Variants in CA10 observed in about 807,000 individuals in gnomAD.
CA10 encodes the protein carbonic anhydrase 10 (inactive).
A neutral mutation model predicts 44.2 loss-of-function variants in CA10; 14 were observed. That is an observed-to-expected ratio of 0.32 (90% CI 0.21 to 0.50). CA10 has a LOEUF of 0.50. Among genes scored for constraint, CA10 ranks in the 20% least tolerant of loss-of-function variants. The pLI is 0.99. For synonymous variants in CA10, 159 were observed against 141.6 expected (o/e 1.12, Z -0.87); for missense variants, 350 against 409.7 (o/e 0.85, Z 1.26).
At chr17:51,989,276 G>A (rs1269480109) in intron 2 of CA10, among the ~76,000 whole-genome samples, 1 of 151,492 alleles carries the variant, frequency 6.6e-6, no homozygotes, top group Non-Finnish European at 1.5e-5. Context: ...ATTAAGCCTA[G>A]TATCCATTAG....
intron 3 of CA10, among the ~76,000 whole-genome samples, chr17:51,831,769 G>T (rs1372219201): frequency 7.3e-6 from 1 of 136,842 alleles, no homozygotes; most frequent in East Asian, 2.4e-4. Context: ...TTCACTGACT[G>T]GACAGGGTTA....
intron 3 of CA10, among the ~76,000 whole-genome samples, chr17:51,795,628 C>T (rs752225133): frequency 4.3e-4 from 65 of 152,160 alleles, no homozygotes; most frequent in Non-Finnish European, 7.4e-5. Flanking sequence ...GCCTTTGGTG[C>T]AGGTCTGTGT....
intron 1 of CA10, among the ~76,000 whole-genome samples, chr17:52,098,281 A>T (rs1237965944): frequency 6.6e-6 from 1 of 152,230 alleles, no homozygotes; most frequent in African/African-American, 2.4e-5. Context: ...ATCAAACCTC[A>T]GTGTGTGCAT....
intron 1 of CA10, among the ~76,000 whole-genome samples, chr17:52,139,294 T>A (rs1989426460): frequency 6.6e-6 from 1 of 152,180 alleles, no homozygotes; most frequent in East Asian, 1.9e-4. Flanking sequence ...CCTTTAGTTG[T>A]TTACATTAAA....
intron 3 of CA10, among the ~76,000 whole-genome samples, chr17:51,751,268 G>T (rs1022990235): frequency 1.3e-5 from 2 of 152,196 alleles, no homozygotes; most frequent in Non-Finnish European, 2.9e-5. Context: ...GACTGAGGGA[G>T]GGAGGAAGAG....
At chr17:51,822,274 T>C (rs1277977295) in intron 3 of CA10, among the ~76,000 whole-genome samples, 1 of 151,922 alleles carries the variant, frequency 6.6e-6, no homozygotes, top group African/African-American at 2.4e-5. Context: ...AAAAATTAGC[T>C]GGGTGTGGTG....
intron 3 of CA10, among the ~76,000 whole-genome samples, chr17:51,881,978 A>G (rs1980395846): frequency 2.0e-5 from 3 of 152,000 alleles, no homozygotes; most frequent in Admixed American, 2.0e-4. Context: ...TAGAAGCTAT[A>G]TGATTTGTAA....
At chr17:51,725,228 A>G (rs956307765) in intron 4 of CA10, among the ~76,000 whole-genome samples, 2 of 152,240 alleles carry the variant, frequency 1.3e-5, no homozygotes, top group African/African-American at 4.8e-5. Context: ...GCACCTGGAC[A>G]GGCCAAGGAT....
intron 2 of CA10, among the ~76,000 whole-genome samples, chr17:52,051,816 G>A (rs1987079641): frequency 6.6e-6 from 1 of 151,986 alleles, no homozygotes; most frequent in African/African-American, 2.4e-5. Flanking sequence ...CTATTATAAA[G>A]ACACATGCAT....
At chr17:51,952,929 C>T (rs1368256599) in intron 2 of CA10, among the ~76,000 whole-genome samples, 1 of 152,112 alleles carries the variant, frequency 6.6e-6, no homozygotes, top group African/African-American at 2.4e-5. Flanking sequence ...CAGCAACTTG[C>T]TTTGTGGAGG....
chr17:51,828,293 C>A (rs1158775249), intron 3 of CA10, among the ~76,000 whole-genome samples: 1 of 152,142 alleles, frequency 6.6e-6, no homozygotes, highest in African/African-American at 2.4e-5. Flanking sequence ...TATCTGCACC[C>A]AGTCTTCTCT....
At chr17:51,831,282 C>A (rs1034617492) in intron 3 of CA10, among the ~76,000 whole-genome samples, 1 of 152,228 alleles carries the variant, frequency 6.6e-6, no homozygotes, top group Non-Finnish European at 1.5e-5. Flanking sequence ...TGCAAGTCCC[C>A]TAACATCCTT....
chr17:51,666,348 C>A (rs1280680164), intron 4 of CA10, among the ~76,000 whole-genome samples: 1 of 152,066 alleles, frequency 6.6e-6, no homozygotes, highest in African/African-American at 2.4e-5. Context: ...GCTTGGAGAC[C>A]CTGGTAAGAA....
chr17:52,091,873 G>A (rs890105366), intron 1 of CA10, among the ~76,000 whole-genome samples: 2 of 152,144 alleles, frequency 1.3e-5, no homozygotes, highest in Non-Finnish European at 2.9e-5. Context: ...AATGTGCCCT[G>A]GAAAGACCTG....
chr17:52,059,490 C>CA (rs2143085131), intron 2 of CA10, among the ~76,000 whole-genome samples: 1 of 152,082 alleles, frequency 6.6e-6, no homozygotes, highest in South Asian at 2.1e-4. Flanking sequence ...TCCGGGGGCA[C>CA]AAAATACTGG....
intron 3 of CA10, among the ~76,000 whole-genome samples, chr17:51,885,477 C>G (rs891470543): frequency 2.0e-5 from 3 of 150,572 alleles, no homozygotes; most frequent in African/African-American, 7.5e-5. Flanking sequence ...CTCCCCTTCA[C>G]CCCCATCTAC....
chr17:51,645,769 G>C (rs1299795096), intron 6 of CA10, among the ~76,000 whole-genome samples: 1 of 152,220 alleles, frequency 6.6e-6, no homozygotes, highest in Non-Finnish European at 1.5e-5. Context: ...AGGAAGACCT[G>C]TATTTGGATA....
chr17:51,725,408 G>A (rs184601140), intron 4 of CA10, among the ~76,000 whole-genome samples: 61 of 152,276 alleles, frequency 4.0e-4, no homozygotes, highest in African/African-American at 1.0e-3. Context: ...TTACATCAGC[G>A]TGAGCCACTT....
intron 6 of CA10, among the ~76,000 whole-genome samples, chr17:51,637,060 GTGTAT>G (rs1229218419): frequency 6.6e-6 from 1 of 152,074 alleles, no homozygotes; most frequent in Non-Finnish European, 1.5e-5. Context: ...ATAAAATTGT[GTGTAT>G]TGGAGTTTTA....
Sources: gnomAD v4.1 joint callset for allele counts (sites outside exome capture counted in the v4.1 genomes callset) on GRCh38, gnomAD v4.1.1 for gene constraint, MANE v1.5 for transcripts, NCBI Gene and HGNC (gene_info 2026-07-23, HGNC 2026-07-21) for gene names.